The following RUNDC3B variants were observed in gnomAD, a reference collection of about 807,000 sequenced individuals.
The protein encoded by RUNDC3B is RUN domain containing 3B.
In RUNDC3B, 33 loss-of-function variants were observed where a neutral mutation model predicts 58.4. That is an observed-to-expected ratio of 0.56 (90% CI 0.43 to 0.75). The LOEUF (loss-of-function observed/expected upper bound fraction) is 0.75, where lower values mean the gene tolerates loss of function less well. Ranked by LOEUF, RUNDC3B falls within the 30% of genes least tolerant of loss-of-function variation. The pLI, the probability that RUNDC3B is intolerant of heterozygous loss-of-function variation, is 0.00. For synonymous variants in RUNDC3B, 193 were observed against 195.2 expected (o/e 0.99, Z 0.10); for missense variants, 501 against 535.7 (o/e 0.94, Z 0.64).
chr7:87,632,851 C>T (rs1301564877), intron 1 of RUNDC3B, among the ~76,000 whole-genome samples: 2 of 152,116 alleles, frequency 1.3e-5, no homozygotes, highest in East Asian at 3.8e-4. Flanking sequence ...CACATATAAA[C>T]ATTTCAGAAT....
intron 1 of RUNDC3B, among the ~76,000 whole-genome samples, chr7:87,645,502 T>C (rs1822910982): frequency 6.6e-6 from 1 of 152,202 alleles, no homozygotes. Flanking sequence ...TATAAGTCTC[T>C]TTTATATAAA....
At chr7:87,805,370 G>C (rs774369744) in intron 8 of RUNDC3B, among the ~76,000 whole-genome samples, 1 of 152,162 alleles carries the variant, frequency 6.6e-6, no homozygotes, top group Non-Finnish European at 1.5e-5. Context: ...GCAAGTGCCA[G>C]GATTTGTTGT....
intron 9 of RUNDC3B, among the ~76,000 whole-genome samples, chr7:87,810,086 G>A (rs1836631632): frequency 6.6e-6 from 1 of 152,026 alleles, no homozygotes; most frequent in African/African-American, 2.4e-5. Context: ...TAAAGATATG[G>A]GATGTCTATA....
intron 4 of RUNDC3B, among the ~76,000 whole-genome samples, chr7:87,726,316 C>T (rs1831226857): frequency 6.6e-6 from 1 of 152,134 alleles, no homozygotes; most frequent in Admixed American, 6.5e-5. Context: ...ATATGGCTAG[C>T]CAGTTTTCCC....
At chr7:87,712,801 C>T (rs1305035618) in intron 4 of RUNDC3B, among the ~76,000 whole-genome samples, 6 of 151,890 alleles carry the variant, frequency 4.0e-5, no homozygotes, top group South Asian at 2.1e-4. Flanking sequence ...CATGGCTTGG[C>T]GTACAATGTC....
intron 4 of RUNDC3B, among the ~76,000 whole-genome samples, chr7:87,712,280 A>G (rs1830157996): frequency 6.6e-6 from 1 of 152,104 alleles, no homozygotes; most frequent in South Asian, 2.1e-4. Context: ...ATAAACAGTG[A>G]GATGATGATA....
chr7:87,747,877 C>G (rs1832736931), intron 6 of RUNDC3B, among the ~76,000 whole-genome samples: 1 of 152,284 alleles, frequency 6.6e-6, no homozygotes, highest in African/African-American at 2.4e-5. Flanking sequence ...GAGGGTGAGA[C>G]AGGCTTGAAA....
intron 9 of RUNDC3B, among the ~76,000 whole-genome samples, chr7:87,814,823 C>T (rs1228770102): frequency 6.6e-6 from 1 of 152,014 alleles, no homozygotes; most frequent in East Asian, 1.9e-4. Context: ...AAAGTGAGAA[C>T]ACTGTATTAT....
In RUNDC3B at chr7:87,770,737, C is replaced by T. The variant is rs780795544; in HGVS notation, c.786C>T (p.Thr262=). ...CKRVKQKYQL[T]LEQKGYLEEL... Reference sequence around the variant, plus strand: ...GAGTTAAACAAAAGTATCAGCTTACCCTGGAACAGAAGGTATTTTAAAATT... The same window carrying T: ...GAGTTAAACAAAAGTATCAGCTTACTCTGGAACAGAAGGTATTTTAAAATT... The change falls in exon 7 of 11, where the codon ACC becomes ACT. Residue 262 remains threonine, a synonymous_variant. Coordinates refer to ENST00000394654, the MANE Select transcript of RUNDC3B (RefSeq NM_001134405.2). 4 of 1,607,990 alleles carry T rather than the reference C, an allele frequency of 2.5e-6. No individual in the cohort carries two copies. Among genetic ancestry groups the T allele is most frequent in the South Asian group, 1.1e-5 (1 of 90,424 alleles).
chr7:87,760,755 T>A (rs1833634416), intron 6 of RUNDC3B, among the ~76,000 whole-genome samples: 1 of 152,066 alleles, frequency 6.6e-6, no homozygotes, highest in Non-Finnish European at 1.5e-5. Flanking sequence ...TAAATGATGC[T>A]GGGACAACTG....
intron 2 of RUNDC3B, among the ~76,000 whole-genome samples, chr7:87,659,049 G>A (rs1472488275): frequency 2.6e-5 from 4 of 152,080 alleles, no homozygotes; most frequent in Non-Finnish European, 5.9e-5. Flanking sequence ...ACCTATTTGG[G>A]CGGCTGAGGT....
chr7:87,670,243 T>G (rs543903029), intron 2 of RUNDC3B, among the ~76,000 whole-genome samples: 1 of 152,356 alleles, frequency 6.6e-6, no homozygotes, highest in East Asian at 1.9e-4. Context: ...GAGATTCTTT[T>G]GTTAGCTTGG....
intron 2 of RUNDC3B, among the ~76,000 whole-genome samples, chr7:87,679,261 T>G (rs569908472): frequency 6.7e-6 from 1 of 148,868 alleles, no homozygotes; most frequent in African/African-American, 2.5e-5. Flanking sequence ...CCCGGGTAAT[T>G]TTTTTGTATT....
intron 4 of RUNDC3B, among the ~76,000 whole-genome samples, chr7:87,723,754 TG>T (rs755609090): frequency 6.6e-6 from 1 of 152,132 alleles, no homozygotes; most frequent in Non-Finnish European, 1.5e-5. Context: ...TCAGGTGCCT[TG>T]TTAACCCAAA....
chr7:87,658,038 A>T (rs947910380), intron 2 of RUNDC3B, among the ~76,000 whole-genome samples: 23 of 152,294 alleles, frequency 1.5e-4, no homozygotes, highest in African/African-American at 5.5e-4. Context: ...AACCAGGAAG[A>T]TCTCAGATTG....
At chr7:87,721,363 T>A (rs1563162350) in intron 4 of RUNDC3B, among the ~76,000 whole-genome samples, 1 of 152,084 alleles carries the variant, frequency 6.6e-6, no homozygotes. Context: ...GTTCTCTGAA[T>A]ATACATTATG....
In RUNDC3B at chr7:87,658,191, A is replaced by G. The variant is rs28746494; in HGVS notation, c.238+7254A>G. ...AATGAAAAAGTAGAAATCCACAGCA[A>G]AGAAATGGAAGATACAAAGAAGACC... On this transcript the variant is annotated intron_variant, in intron 2 of 10. Coordinates refer to ENST00000394654, the MANE Select transcript of RUNDC3B (RefSeq NM_001134405.2). 1.2e-4 allele frequency among the ~76,000 whole-genome samples: 18 copies of G among 152,194 alleles called. No individual in the cohort carries two copies. In the South Asian group the frequency reaches 1.2e-3, roughly 11 times the overall value.
intron 10 of RUNDC3B, among the ~76,000 whole-genome samples, chr7:87,828,769 TTC>T (rs1399067179): frequency 2.0e-5 from 3 of 152,210 alleles, no homozygotes; most frequent in Admixed American, 6.5e-5. Flanking sequence ...CGAATGGTAA[TTC>T]TGTTTTAAGT....
chr7:87,674,259 GGCAGTGATGTACAT>G (rs1192530113), intron 2 of RUNDC3B, among the ~76,000 whole-genome samples: 2 of 152,198 alleles, frequency 1.3e-5, no homozygotes, highest in African/African-American at 4.8e-5. Flanking sequence ...GTGGAAGCGA[GGCAGTGATGTACAT>G]GCAGGTACTT....
Sources: allele counts gnomAD v4.1 joint callset (sites outside exome capture counted in the v4.1 genomes callset), GRCh38; gene constraint gnomAD v4.1.1; transcripts MANE v1.5; gene names NCBI Gene and HGNC (gene_info 2026-07-23, HGNC 2026-07-21).